NWD1: variants seen among roughly 807,000 people sequenced by gnomAD.
NWD1 encodes the protein NACHT and WD repeat domain containing 1.
Under a neutral mutation model 135.1 loss-of-function variants are expected in NWD1, and 129 were observed. That is an observed-to-expected ratio of 0.96 (90% confidence interval 0.83 to 1.11). NWD1 has a LOEUF of 1.11. NWD1 is among the 50% of genes least tolerant of loss of function. The pLI, the probability that NWD1 is intolerant of heterozygous loss-of-function variation, is 0.00. For synonymous variants in NWD1, 773 were observed against 786.0 expected (o/e 0.98, Z 0.28); for missense variants, 1,740 against 1,851.3 (o/e 0.94, Z 1.10).
chr19:16,791,193 C>T (rs1970232708), intron 13 of NWD1, among the ~76,000 whole-genome samples, 157 bp from the exon 14 acceptor site: 1 of 152,114 alleles, frequency 6.6e-6, no homozygotes, highest in Non-Finnish European at 1.5e-5. Flanking sequence ...ATGATTGCAC[C>T]ACTGCACTCC....
At chr19:16,741,554 A>C (rs565147082) in intron 4 of NWD1, among the ~76,000 whole-genome samples, 1 of 151,446 alleles carries the variant, frequency 6.6e-6, no homozygotes, top group Non-Finnish European at 1.5e-5. Context: ...TTTTTAATAG[A>C]TATGGGGTTT....
chr19:16,760,463 T>C (rs1968968099), intron 7 of NWD1, among the ~76,000 whole-genome samples: 1 of 151,864 alleles, frequency 6.6e-6, no homozygotes. Context: ...TCTCACCACA[T>C]TGCCCAGGCT....
chr19:16,775,478 T>A (rs911921720), intron 11 of NWD1, among the ~76,000 whole-genome samples: 1 of 152,060 alleles, frequency 6.6e-6, no homozygotes, highest in Non-Finnish European at 1.5e-5. Flanking sequence ...TGGCCCAATA[T>A]AGCTGCTCCA....
At chr19:16,811,708 G>A (rs1476555333) in intron 18 of NWD1, among the ~76,000 whole-genome samples, 1 of 152,150 alleles carries the variant, frequency 6.6e-6, no homozygotes, top group Non-Finnish European at 1.5e-5. Context: ...CTCTATGGAG[G>A]TGTGCCTGGG....
rs970825122 is a variant in NWD1, at chr19:16,750,405, C to T, written c.1763C>T (p.Ser588Phe). 9 of 1,554,784 alleles carry T rather than the reference C, an allele frequency of 5.8e-6. No individual in the cohort carries two copies. Among genetic ancestry groups the T allele is most frequent in the African/African-American group, 1.4e-5 (1 of 72,412 alleles). The change falls in exon 6 of 19, where the codon TCT (serine) becomes TTT (phenylalanine). Residue 588 changes from serine (S) to phenylalanine (F), a missense_variant. Ser to Phe is a radical substitution (Grantham distance 155). Coordinates refer to ENST00000524140, the MANE Select transcript of NWD1 (RefSeq NM_001007525.5). ...LVAHVLGYIV[S>F]SRHGLSEAEL... ...GCCCACGTGCTGGGCTACATTGTGT[C>T]TTCCCGGTAAGTCTCTGTGTTTTGA...
At chr19:16,779,962 G>A (rs1969798445) in intron 12 of NWD1, among the ~76,000 whole-genome samples, 1 of 152,054 alleles carries the variant, frequency 6.6e-6, no homozygotes, top group East Asian at 1.9e-4. Context: ...CTGTGCATTG[G>A]CAATGCAGGC....
intron 12 of NWD1, among the ~76,000 whole-genome samples, chr19:16,788,201 G>T (rs934467269): frequency 6.9e-6 from 1 of 145,464 alleles, no homozygotes; most frequent in East Asian, 2.0e-4. Flanking sequence ...CTGCACTCCA[G>T]CCTGGGCAAC....
At chr19:16,789,237 A>G (rs754088747) in intron 13 of NWD1, 47 bp downstream of exon 13, 1 of 1,484,090 alleles carries the variant, frequency 6.7e-7, no homozygotes, top group Non-Finnish European at 9.4e-7. Context: ...AGACCAGAGC[A>G]TTCAAAGACA....
chr19:16,738,151 G>A, intron 4 of NWD1: 3 of 423,270 alleles, frequency 7.1e-6, no homozygotes, highest in South Asian at 5.0e-5. Context: ...AAGCTATAAT[G>A]GCAGAGTTTA....
At chr19:16,752,292 C>T (rs1968613289) in intron 6 of NWD1, among the ~76,000 whole-genome samples, 1 of 151,836 alleles carries the variant, frequency 6.6e-6, no homozygotes, top group African/African-American at 2.4e-5. Flanking sequence ...GGGTGGTGGT[C>T]AACCCAACGA....
chr19:16,797,555 C>T (rs7351052), intron 15 of NWD1, among the ~76,000 whole-genome samples, 177 bp from the exon 16 acceptor site: 16,452 of 152,056 alleles, frequency 0.11, 1,218 homozygotes, highest in Non-Finnish European at 0.16. Flanking sequence ...ACCATGTTGG[C>T]CAGGCTGATC....
chr19:16,731,683 C>T (rs1445012723), intron 3 of NWD1, among the ~76,000 whole-genome samples: 1 of 151,208 alleles, frequency 6.6e-6, no homozygotes, highest in Non-Finnish European at 1.5e-5. Flanking sequence ...CAGCTCACTG[C>T]AACCTTGGCC....
At chr19:16,740,603 G>T in intron 4 of NWD1, among the ~76,000 whole-genome samples, 1 of 149,794 alleles carries the variant, frequency 6.7e-6, no homozygotes, top group Non-Finnish European at 1.5e-5. Flanking sequence ...CTCCAAAAGT[G>T]CTGGGATTAC....
chr19:16,759,369 G>C lies in NWD1; in HGVS notation c.1914G>C (p.Leu638=). ...PLLWVRLRRD[L]GYYLARRPVD... ...TGTGGGTGCGGCTTCGTCGGGATCTGGGATACTACTTGGCCCGGCGGCCCG... is the reference window on the plus strand; with the variant it reads ...TGTGGGTGCGGCTTCGTCGGGATCTCGGATACTACTTGGCCCGGCGGCCCG... The change falls in exon 7 of 19, where the codon CTG becomes CTC. Residue 638 remains leucine, a synonymous_variant. Coordinates refer to ENST00000524140, the MANE Select transcript of NWD1 (RefSeq NM_001007525.5). 1 of 1,610,806 alleles carries C rather than the reference G, an allele frequency of 6.2e-7. No individual in the cohort carries two copies. Among genetic ancestry groups the C allele is most frequent in the Non-Finnish European group, 8.5e-7 (1 of 1,178,848 alleles).
At chr19:16,798,785 C>T (rs773756671) in intron 16 of NWD1, among the ~76,000 whole-genome samples, 1 of 151,998 alleles carries the variant, frequency 6.6e-6, no homozygotes, top group Admixed American at 6.6e-5. Flanking sequence ...CACCACCATG[C>T]CTGGTTAATT....
In NWD1 at chr19:16,800,174, A is replaced by G. The variant is rs1213366868; in HGVS notation, c.3736+12A>G. ...GGACTTGGCAGAAGGTTGGTAAGGTATAAGTATGGTCATTTTTGTGGGTAA... is the reference window on the plus strand; with the variant it reads ...GGACTTGGCAGAAGGTTGGTAAGGTGTAAGTATGGTCATTTTTGTGGGTAA... On this transcript the variant is annotated intron_variant, in intron 17 of 18. Coordinates refer to ENST00000524140, the MANE Select transcript of NWD1 (RefSeq NM_001007525.5). The G allele has an allele frequency of 5.0e-6, 8 of 1,592,124 alleles. No homozygotes were observed. Among genetic ancestry groups the G allele is most frequent in the Middle Eastern group, 1.7e-4 (1 of 5,928 alleles).
chr19:16,797,886 G>A lies in NWD1; in HGVS notation c.3459G>A (p.Gln1153=), dbSNP rs752088956. 2 of 1,612,846 alleles carry A rather than the reference G, an allele frequency of 1.2e-6. No homozygotes were observed. Among genetic ancestry groups the A allele is most frequent in the South Asian group, 2.2e-5 (2 of 90,958 alleles). The change falls in exon 16 of 19, where the codon CAG becomes CAA. Residue 1153 remains glutamine, a splice_region_variant and synonymous_variant. Coordinates refer to ENST00000524140, the MANE Select transcript of NWD1 (RefSeq NM_001007525.5). Reference sequence around the variant, plus strand: ...CGGGGTCCCTTGATGCGCTCATTCAGGTGAGGGGAGATCTGGGACCCTTCA... The same window carrying A: ...CGGGGTCCCTTGATGCGCTCATTCAAGTGAGGGGAGATCTGGGACCCTTCA... The part of the protein sequence containing the change: ...IITGSLDALI[Q]VWSLSEQGTL...
Position 16,720,581 on chromosome 19 carries a change from G to C in NWD1, c.-105+288G>C, listed in dbSNP as rs544913966. ...GGGAGACTTTTTTTTTTTTGAGACG[G>C]AGTCTCGCTCTGTCACTAGGCTGGA... On this transcript the variant is annotated intron_variant, in intron 1 of 18. Transcript: ENST00000524140. Among the ~76,000 whole-genome samples, 5 of 152,136 alleles carry C rather than the reference G, an allele frequency of 3.3e-5. No homozygotes were observed. In the South Asian group the frequency reaches 1.0e-3, roughly 32 times the overall value.
chr19:16,749,870 C>A lies in NWD1; in HGVS notation c.1228C>A (p.His410Asn). 1.2e-6 allele frequency: 2 copies of A among 1,613,402 alleles called. No individual in the cohort carries two copies. The highest frequency in any genetic ancestry group is 8.5e-7 in the Non-Finnish European group (1 of 1,179,960). ...GCCCCCTGCCCAGGTTCTGGACGCC[C>A]ACACCAGGGTGGTCCAGTTTTTCCA... is the stretch of plus-strand genomic sequence containing the variant. ...PLPPAQVLDA[H>N]TRVVQFFHTL... Residue 410 changes from histidine to asparagine, a missense_variant, in exon 6 of 19, where the codon CAC becomes AAC. By Grantham distance (68) the His-to-Asn change is moderately conservative. Transcript: ENST00000524140.
Sources: allele counts gnomAD v4.1 joint callset (sites outside exome capture counted in the v4.1 genomes callset), GRCh38; gene constraint gnomAD v4.1.1; transcripts MANE v1.5; gene names NCBI Gene and HGNC (gene_info 2026-07-23, HGNC 2026-07-21).